Variants in KDM4B observed in about 807,000 individuals in gnomAD.
KDM4B encodes lysine-specific demethylase 4B.
Under a neutral mutation model 125.2 loss-of-function variants are expected in KDM4B, and 32 were observed. The observed-to-expected ratio is 0.26, with a 90% CI of 0.19 to 0.34. The LOEUF (loss-of-function observed/expected upper bound fraction) is 0.34. KDM4B is among the 10% of genes least tolerant of loss of function. The pLI, the probability that KDM4B is intolerant of heterozygous loss-of-function variation, is 1.00. For missense variants in KDM4B, 1,190 were observed against 1,577.7 expected (o/e 0.75, Z 4.16); for synonymous variants, 721 against 677.9 (o/e 1.06, Z -0.99).
At position 4,971,456 on chromosome 19, in the gene KDM4B, C is replaced by T. The variant is rs1599324119; in HGVS notation, c.-109+2226C>T. On this transcript the variant is annotated intron_variant, in intron 1 of 22. Transcript: ENST00000159111. This position sits in a 1 kb window ranked among gnomAD's most constrained non-coding sequence, Gnocchi z 4.1. ...GTTTCCTGCCCGTTTGTCCTATGCC[C>T]CACCCACTCCCTGATGAGCCGGGGA... Among the ~76,000 whole-genome samples, 1 of 152,158 alleles carries T rather than the reference C, an allele frequency of 6.6e-6. No individual in the cohort carries two copies. The highest frequency in any genetic ancestry group is 2.4e-5 in the African/African-American group (1 of 41,434).
At chr19:5,071,943 A>G (rs913252494) in intron 7 of KDM4B, among the ~76,000 whole-genome samples, 1 of 152,172 alleles carries the variant, frequency 6.6e-6, no homozygotes, top group African/African-American at 2.4e-5. Flanking sequence ...TGGCAGGTGG[A>G]CAGCTTGGGG....
intron 18 of KDM4B, chr19:5,138,416 C>T (rs533096889): frequency 5.2e-5 from 14 of 268,366 alleles, no homozygotes; most frequent in African/African-American, 1.3e-4. Context: ...CCGACACAAC[C>T]GGGCTGTCTG....
At position 5,077,254 on chromosome 19, in the gene KDM4B, C is replaced by T. The variant is rs2291150; in HGVS notation, c.677-113C>T. The T allele has an allele frequency of 9.9e-4, 848 of 856,710 alleles. 9 individuals carry two copies. In the East Asian group the frequency reaches 0.02, roughly 20 times the overall value. The allele number at this position is 856,710 out of a possible 1,614,324, so 53.1% of individuals were successfully genotyped here. A position where few individuals can be genotyped will look rare whatever the true frequency, so the allele number is the denominator to read the frequency against. On this transcript the variant is annotated intron_variant, in intron 7 of 22. Transcript: ENST00000159111. ...CAGATCTGGGCCGTGCTCTGTGCTC[C>T]CACACGCCCGCTCTCCATGGGAGGA...
intron 3 of KDM4B, among the ~76,000 whole-genome samples, chr19:5,033,269 TG>T (rs2036516078): frequency 6.6e-6 from 1 of 152,182 alleles, no homozygotes; most frequent in South Asian, 2.1e-4. Flanking sequence ...TCCAGGGAGC[TG>T]GCAGGGGGTG....
At chr19:5,116,035 G>C (rs2039247898) in intron 10 of KDM4B, among the ~76,000 whole-genome samples, 2 of 152,118 alleles carry the variant, frequency 1.3e-5, no homozygotes, top group African/African-American at 4.8e-5. Context: ...ATGCATCGCT[G>C]TGAAATTTCA....
chr19:5,066,420 A>C (rs1334427262), intron 6 of KDM4B, among the ~76,000 whole-genome samples: 2 of 151,628 alleles, frequency 1.3e-5, no homozygotes, highest in Non-Finnish European at 2.9e-5. Context: ...CTAGGAGGTC[A>C]CTGTGCTGCC....
chr19:4,983,974 C>T (rs988906001), intron 1 of KDM4B, among the ~76,000 whole-genome samples: 2 of 152,182 alleles, frequency 1.3e-5, no homozygotes, highest in Admixed American at 1.3e-4. Flanking sequence ...AATTACCACG[C>T]GAAAAGCCCT....
At chr19:5,013,538 G>A (rs1407338563) in intron 1 of KDM4B, among the ~76,000 whole-genome samples, 1 of 152,220 alleles carries the variant, frequency 6.6e-6, no homozygotes, top group Non-Finnish European at 1.5e-5. Flanking sequence ...TGTTCCTTCT[G>A]GAGGCTCCCG....
chr19:5,030,620 C>T (rs1726193763), intron 2 of KDM4B, among the ~76,000 whole-genome samples: 1 of 152,246 alleles, frequency 6.6e-6, no homozygotes, highest in Non-Finnish European at 1.5e-5. Context: ...CACGAGGGTC[C>T]CAGCGCCTCC....
intron 5 of KDM4B, among the ~76,000 whole-genome samples, chr19:5,044,071 G>A (rs28421087): frequency 3.9e-5 from 2 of 51,270 alleles, no homozygotes; most frequent in Admixed American, 2.1e-4. Context: ...ACCTTATCCC[G>A]CGTGGTGTTT....
intron 9 of KDM4B, among the ~76,000 whole-genome samples, chr19:5,083,779 G>A (rs1453735625): frequency 6.6e-6 from 1 of 152,188 alleles, no homozygotes; most frequent in East Asian, 1.9e-4. Context: ...GGCTGGCCAG[G>A]GTGAGAGCAG....
intron 6 of KDM4B, among the ~76,000 whole-genome samples, chr19:5,063,565 G>A (rs967407868): frequency 6.6e-6 from 1 of 152,198 alleles, no homozygotes; most frequent in African/African-American, 2.4e-5. Context: ...GGTGGGGCCT[G>A]TGTTGACTTG....
chr19:5,044,555 TTCTTTG>T (rs1211355189), intron 5 of KDM4B, among the ~76,000 whole-genome samples: 2 of 152,212 alleles, frequency 1.3e-5, no homozygotes, highest in African/African-American at 4.8e-5. Flanking sequence ...GTGTGTTTGT[TTCTTTG>T]TCTTTGAGAC....
Position 5,135,340 on chromosome 19 carries a change from C to T in KDM4B, c.2087C>T (p.Ala696Val). 6.2e-7 allele frequency: 1 copy of T among 1,607,316 alleles called. No homozygotes were observed. Among genetic ancestry groups the T allele is most frequent in the Non-Finnish European group, 8.5e-7 (1 of 1,174,716 alleles). Residue 696 changes from alanine to valine, a missense_variant and splice_region_variant, in exon 15 of 23, where the codon GCC (alanine) becomes GTC (valine). Around this residue, in one of 7 missense-constraint regions of KDM4B, gnomAD observed 128 missense variants for 137.8 expected, o/e 0.93. Transcript: ENST00000159111. ...CTGAAGGTCGCCTCTCCCCTACAGG[C>T]CCTACAGACTGAGAAGGAGGCACCC... is the stretch of plus-strand genomic sequence containing the variant. ...ICTLFYPYCQ[A>V]LQTEKEAPIA...
intron 2 of KDM4B, among the ~76,000 whole-genome samples, 188 bp downstream of exon 2, chr19:5,016,527 A>G (rs2035897132): frequency 6.6e-6 from 1 of 152,222 alleles, no homozygotes; most frequent in Non-Finnish European, 1.5e-5. Context: ...TTCTTCTGCA[A>G]GTTTCTTCAT....
At chr19:4,975,161 C>T (rs1373574062) in intron 1 of KDM4B, among the ~76,000 whole-genome samples, 1 of 152,110 alleles carries the variant, frequency 6.6e-6, no homozygotes, top group Non-Finnish European at 1.5e-5. Context: ...GGGGCTTTTT[C>T]TGGAAGGGCC....
At chr19:5,043,083 G>A in intron 5 of KDM4B, among the ~76,000 whole-genome samples, 1 of 151,280 alleles carries the variant, frequency 6.6e-6, no homozygotes, top group Non-Finnish European at 1.5e-5. Flanking sequence ...TTGGATTTTT[G>A]GAGCGGGGGT....
intron 6 of KDM4B, among the ~76,000 whole-genome samples, chr19:5,061,984 A>T (rs1338630833): frequency 3.3e-5 from 5 of 152,220 alleles, no homozygotes; most frequent in African/African-American, 1.2e-4. Context: ...CAGCGGTGGC[A>T]TCTGGGGGAG....
At chr19:5,134,688 G>A (rs1599253847) in intron 14 of KDM4B, among the ~76,000 whole-genome samples, 1 of 152,224 alleles carries the variant, frequency 6.6e-6, no homozygotes, top group Non-Finnish European at 1.5e-5. Context: ...CTAGCCCCAT[G>A]CCAAGCATGT....
Sources: gnomAD v4.1 joint callset for allele counts (sites outside exome capture counted in the v4.1 genomes callset) on GRCh38, gnomAD v4.1.1 for gene constraint, gnomAD v4.1.1 regional missense constraint, Gnocchi (gnomAD v3.1) non-coding constraint, MANE v1.5 for transcripts, NCBI Gene and HGNC (gene_info 2026-07-23, HGNC 2026-07-21) for gene names.